Variants in HCN4 observed in about 807,000 individuals in gnomAD.
HCN4 encodes potassium/sodium hyperpolarization-activated cyclic nucleotide-gated channel 4.
A neutral mutation model predicts 76.9 loss-of-function variants in HCN4; 29 were observed. The ratio of observed to expected loss-of-function variants is 0.38; its 90% CI spans 0.28 to 0.51. The LOEUF (loss-of-function observed/expected upper bound fraction) is 0.51, where lower values mean the gene tolerates loss of function less well. Ranked by LOEUF, HCN4 falls within the 20% of genes least tolerant of loss-of-function variation. HCN4 has a pLI of 0.90. For synonymous variants in HCN4, 772 were observed against 762.5 expected (o/e 1.01, Z -0.21); for missense variants, 1,416 against 1,715.2 (o/e 0.83, Z 3.08).
At chr15:73,327,540 G>A (rs905566428) in intron 4 of HCN4, among the ~76,000 whole-genome samples, 5 of 151,834 alleles carry the variant, frequency 3.3e-5, no homozygotes, top group African/African-American at 1.2e-4. Context: ...ACTGGTGCTG[G>A]CTCCAGAAGG....
At position 73,325,120 on chromosome 15, in the gene HCN4, T is replaced by C; in HGVS notation, c.1813A>G (p.Thr605Ala). ...AAACGCAGCTTGGTCAGCATGGACG[T>C]CACGAAGTTGGGGTCCGCATTGGCA... ...LFANADPNFV[T>A]SMLTKLRFEV... Residue 605 changes from threonine (T) to alanine (A), a missense_variant, in exon 6 of 8, where the codon ACG becomes GCG. By Grantham distance (58) the Thr-to-Ala change is moderately conservative. This residue lies in a region of HCN4 where 241 missense variants were observed against 379.4 expected (regional missense o/e 0.64). Coordinates refer to ENST00000261917, the MANE Select transcript of HCN4 (RefSeq NM_005477.3). The surrounding 1 kb of genome is among the most constrained non-coding windows in gnomAD (Gnocchi z 7.4). 1 of 1,614,172 alleles carries C rather than the reference T, an allele frequency of 6.2e-7. No homozygotes were observed. Among genetic ancestry groups the C allele is most frequent in the Non-Finnish European group, 8.5e-7 (1 of 1,180,018 alleles).
In HCN4 at chr15:73,325,403, C is replaced by T. The variant is rs544585089; in HGVS notation, c.1632G>A (p.Pro544=). ...VEQYMSFHKL[P]PDTRQRIHDY... Reference sequence around the variant, plus strand: ...CGTGGATGCGCTGCCGGGTGTCGGGCGGGAGCTTGTGAAAGGACATGTACT... The same window carrying T: ...CGTGGATGCGCTGCCGGGTGTCGGGTGGGAGCTTGTGAAAGGACATGTACT... Residue 544 remains proline, a synonymous_variant, in exon 5 of 8, where the codon CCG becomes CCA. Transcript: ENST00000261917. The surrounding 1 kb of genome is among the most constrained non-coding windows in gnomAD (Gnocchi z 7.4). The T allele has an allele frequency of 1.3e-5, 21 of 1,613,978 alleles. No homozygotes were observed. Among genetic ancestry groups the T allele is most frequent in the East Asian group, 2.2e-5 (1 of 44,878 alleles).
chr15:73,345,013 C>T (rs1430312071), intron 1 of HCN4, among the ~76,000 whole-genome samples: 1 of 152,200 alleles, frequency 6.6e-6, no homozygotes, highest in Non-Finnish European at 1.5e-5. Context: ...TGTCTTCTCC[C>T]AGGAGAAATA....
intron 1 of HCN4, among the ~76,000 whole-genome samples, chr15:73,354,357 C>T (rs1000321862): frequency 1.3e-5 from 2 of 152,318 alleles, no homozygotes; most frequent in African/African-American, 2.4e-5. Context: ...ACAGCTAACC[C>T]AGTCTTCTCT....
At chr15:73,345,075 G>A (rs1035153138) in intron 1 of HCN4, among the ~76,000 whole-genome samples, 3 of 152,248 alleles carry the variant, frequency 2.0e-5, no homozygotes, top group African/African-American at 4.8e-5. Context: ...GAGGAAGGAA[G>A]TGGGAAAGAA....
chr15:73,366,400 G>A (rs2043128507), intron 1 of HCN4, among the ~76,000 whole-genome samples: 1 of 152,162 alleles, frequency 6.6e-6, no homozygotes, highest in Non-Finnish European at 1.5e-5. Context: ...GAGATAAGTA[G>A]GCGGCAGGGC....
At chr15:73,324,830 C>G in intron 6 of HCN4, 125 bp downstream of exon 6, 3 of 1,212,216 alleles carry the variant, frequency 2.5e-6, no homozygotes, top group Non-Finnish European at 3.5e-6. Context: ...CTACCCTGGG[C>G]TCACAGACAC....
intron 4 of HCN4, 72 bp downstream of exon 4, chr15:73,329,501 G>C: frequency 6.9e-7 from 1 of 1,456,074 alleles, no homozygotes; most frequent in South Asian, 1.2e-5. Context: ...TCCTGCTGGG[G>C]GCCCACTGGC....
At chr15:73,326,793 AT>A (rs990120364) in intron 4 of HCN4, among the ~76,000 whole-genome samples, 1 of 144,888 alleles carries the variant, frequency 6.9e-6, no homozygotes, top group African/African-American at 2.5e-5. Context: ...TTATTTATTT[AT>A]TTTTTTTGTT....
chr15:73,344,987 G>A (rs2043023593), intron 1 of HCN4, among the ~76,000 whole-genome samples: 1 of 152,224 alleles, frequency 6.6e-6, no homozygotes, highest in Non-Finnish European at 1.5e-5. Flanking sequence ...GGTATTAAGT[G>A]AGGCAGAAAT....
At chr15:73,360,109 T>C (rs755380253) in intron 1 of HCN4, among the ~76,000 whole-genome samples, 21 of 152,346 alleles carry the variant, frequency 1.4e-4, no homozygotes, top group South Asian at 4.1e-4. Flanking sequence ...TCCCTTCTCA[T>C]GGGAGCAGCC....
chr15:73,354,650 G>C (rs935775972), intron 1 of HCN4, among the ~76,000 whole-genome samples: 1 of 152,200 alleles, frequency 6.6e-6, no homozygotes, highest in African/African-American at 2.4e-5. Flanking sequence ...GTTTTCTAAT[G>C]TGCAGGATGA....
At chr15:73,350,235 C>T (rs1490753412) in intron 1 of HCN4, among the ~76,000 whole-genome samples, 1 of 152,210 alleles carries the variant, frequency 6.6e-6, no homozygotes, top group Non-Finnish European at 1.5e-5. Context: ...TGGTCCAGCT[C>T]ATTCGCCTCT....
At chr15:73,359,175 G>T (rs539405300) in intron 1 of HCN4, among the ~76,000 whole-genome samples, 1 of 152,206 alleles carries the variant, frequency 6.6e-6, no homozygotes, top group African/African-American at 2.4e-5. Flanking sequence ...TGGAGGCCCC[G>T]CTGCTTGCTC....
At chr15:73,333,726 C>T (rs1405603914) in intron 2 of HCN4, among the ~76,000 whole-genome samples, 3 of 152,130 alleles carry the variant, frequency 2.0e-5, no homozygotes, top group Non-Finnish European at 4.4e-5. Context: ...TCCCTGTGGC[C>T]CTGGTGACAG....
At chr15:73,329,352 TG>T (rs2042918642) in intron 4 of HCN4, among the ~76,000 whole-genome samples, 1 of 151,848 alleles carries the variant, frequency 6.6e-6, no homozygotes, top group Admixed American at 6.5e-5. Flanking sequence ...ACGGGGAAGG[TG>T]GGAACAGAAA....
rs1257002383 is a variant in HCN4, at chr15:73,320,467, A to G, written c.*2014T>C. The G allele has an allele frequency of 6.6e-6, 1 of 152,238 alleles. No homozygotes were observed. The highest frequency in any genetic ancestry group is 1.5e-5 in the Non-Finnish European group (1 of 68,090). 9.4% of individuals were successfully genotyped at this position (152,238 alleles called of 1,614,324 possible). On this transcript the variant is annotated 3_prime_UTR_variant, in exon 8 of 8. Transcript: ENST00000261917. ...GGAGCATGGAAGGTTCTGGATGGAT[A>G]ATGTGGGACCAGCCCTTCTCATTAC...
intron 1 of HCN4, among the ~76,000 whole-genome samples, chr15:73,356,289 G>C (rs1314680817): frequency 2.0e-5 from 3 of 150,664 alleles, no homozygotes; most frequent in Non-Finnish European, 3.0e-5. Flanking sequence ...CTGGGCTCAA[G>C]CCACGCTCCT....
At chr15:73,366,086 T>C (rs1461463524) in intron 1 of HCN4, among the ~76,000 whole-genome samples, 1 of 152,152 alleles carries the variant, frequency 6.6e-6, no homozygotes, top group Non-Finnish European at 1.5e-5. Flanking sequence ...TTGATGACTA[T>C]GGCTGTCTGT....
Sources: allele counts gnomAD v4.1 joint callset (sites outside exome capture counted in the v4.1 genomes callset), GRCh38; gene constraint gnomAD v4.1.1; regional missense constraint gnomAD v4.1.1; non-coding constraint Gnocchi (gnomAD v3.1); transcripts MANE v1.5; gene names NCBI Gene and HGNC (gene_info 2026-07-23, HGNC 2026-07-21).